Variants in EPHA6 observed in about 807,000 individuals in gnomAD.
The protein encoded by EPHA6 is EPH receptor A6, also known as ephrin type-A receptor 6.
In EPHA6, 50 loss-of-function variants were observed where a neutral mutation model predicts 112.0. That is an observed-to-expected ratio of 0.45 (90% confidence interval 0.36 to 0.56). The LOEUF is 0.56. EPHA6 is among the 20% of genes least tolerant of loss of function. The probability of loss-of-function intolerance (pLI) is 0.00; values close to 1 mark genes in which losing one functional copy is unlikely to be tolerated. For missense variants in EPHA6, 1,280 were observed against 1,417.4 expected, an observed-to-expected ratio of 0.90 and a Z score of 1.56; for synonymous variants, 529 against 490.7, an observed-to-expected ratio of 1.08 and a Z score of -1.03.
chr3:96,962,637 T>C (rs2041986102), intron 2 of EPHA6, among the ~76,000 whole-genome samples: 1 of 150,566 alleles, frequency 6.6e-6, no homozygotes, highest in South Asian at 2.1e-4. Flanking sequence ...CCTTTTAAGC[T>C]TAATTTTTTT....
At chr3:97,448,438 G>T (rs998233721) in intron 6 of EPHA6, 130 bp from the exon 7 acceptor site, 2 of 942,670 alleles carry the variant, frequency 2.1e-6, no homozygotes, top group Non-Finnish European at 1.6e-6. Context: ...GGAAAACCAT[G>T]CTAACACTAC....
At chr3:97,388,403 T>TGTACAAAG (rs1205417484) in intron 5 of EPHA6, among the ~76,000 whole-genome samples, 1 of 152,088 alleles carries the variant, frequency 6.6e-6, no homozygotes, top group Non-Finnish European at 1.5e-5. Context: ...TACTTCTATA[T>TGTACAAAG]GTACAAAGGT....
chr3:97,459,842 A>C (rs1208917258), intron 7 of EPHA6, among the ~76,000 whole-genome samples: 1 of 152,164 alleles, frequency 6.6e-6, no homozygotes, highest in African/African-American at 2.4e-5. Context: ...ATTCTAATAC[A>C]TGCTTGCTCT....
rs116456388 is a variant in EPHA6 at position 97,279,890 on chromosome 3, T to C, written c.1606+35603T>C. ...TTCTTTTTTCTTGTTGTTCGTTTGT[T>C]TTTGTTTTTTTTGAGACAGAGTCTT... On this transcript the variant is annotated intron_variant, in intron 5 of 17. Transcript: ENST00000389672. 6.3e-3 allele frequency among the ~76,000 whole-genome samples: 951 copies of C among 152,124 alleles called. 5 individuals carry two copies. The highest frequency in any genetic ancestry group is 0.021 in the African/African-American group (870 of 41,430).
At chr3:96,893,548 TGC>T (rs1372621547) in intron 2 of EPHA6, among the ~76,000 whole-genome samples, 11 of 152,330 alleles carry the variant, frequency 7.2e-5, no homozygotes, top group Non-Finnish European at 1.3e-4. Context: ...TGATGATTAT[TGC>T]ACACCAGTCA....
intron 1 of EPHA6, among the ~76,000 whole-genome samples, chr3:96,838,549 T>G (rs985672223): frequency 6.6e-6 from 1 of 152,128 alleles, no homozygotes; most frequent in Non-Finnish European, 1.5e-5. Flanking sequence ...CTCTATAACA[T>G]CAGCAGCATC....
rs532991905 is a variant in EPHA6, at chr3:97,544,835, G to A, written c.2386+12292G>A. On this transcript the variant is annotated intron_variant, in intron 11 of 17. Coordinates refer to ENST00000389672, the MANE Select transcript of EPHA6 (RefSeq NM_001080448.3). Reference sequence around the variant, plus strand: ...TTAGTCTTGGGAGGATGTATGTGTCGAGGAATTTATCCATTTCTTCTAGAT... The same window carrying A: ...TTAGTCTTGGGAGGATGTATGTGTCAAGGAATTTATCCATTTCTTCTAGAT... Among the ~76,000 whole-genome samples, 155 of 152,156 alleles carry A rather than the reference G, an allele frequency of 1.0e-3. 1 individual carries two copies. The East Asian group carries it at 0.025, about 25-fold the overall frequency.
chr3:97,100,816 T>C (rs534569333), intron 3 of EPHA6, among the ~76,000 whole-genome samples: 1 of 152,042 alleles, frequency 6.6e-6, no homozygotes, highest in Non-Finnish European at 1.5e-5. Context: ...TTTTTGACAT[T>C]ATTGTTGTAA....
chr3:97,007,170 G>A (rs2043911723), intron 3 of EPHA6, among the ~76,000 whole-genome samples: 1 of 152,090 alleles, frequency 6.6e-6, no homozygotes. Flanking sequence ...TTAATTTTCT[G>A]TCTTGTTCAT....
intron 6 of EPHA6, among the ~76,000 whole-genome samples, chr3:97,407,864 G>C (rs184741338): frequency 1.3e-5 from 2 of 151,780 alleles, no homozygotes; most frequent in Non-Finnish European, 2.9e-5. Context: ...GTCCAAACCC[G>C]CTTCTATTCA....
intron 11 of EPHA6, among the ~76,000 whole-genome samples, chr3:97,543,718 T>C (rs1336647950): frequency 6.6e-6 from 1 of 152,032 alleles, no homozygotes; most frequent in Non-Finnish European, 1.5e-5. Flanking sequence ...TGATTCTTCC[T>C]ACCCATGAGC....
At chr3:96,970,972 A>G (rs558804764) in intron 2 of EPHA6, among the ~76,000 whole-genome samples, 24 of 152,244 alleles carry the variant, frequency 1.6e-4, no homozygotes, top group Non-Finnish European at 3.4e-4. Context: ...CTATGTAACT[A>G]GCATAGTATT....
At chr3:97,590,965 T>C (rs6439268) in intron 11 of EPHA6, among the ~76,000 whole-genome samples, 43,148 of 152,072 alleles carry the variant, frequency 0.28, 9,670 homozygotes, top group African/African-American at 0.61. Flanking sequence ...CAATGATAGA[T>C]ATTCCATGCA....
chr3:97,108,698 T>C (rs559258320), intron 3 of EPHA6, among the ~76,000 whole-genome samples: 1 of 152,294 alleles, frequency 6.6e-6, no homozygotes, highest in South Asian at 2.1e-4. Context: ...ATCTCATTTT[T>C]AATAGCTTTA....
chr3:97,067,059 T>TC (rs1252721821), intron 3 of EPHA6, among the ~76,000 whole-genome samples: 1 of 152,122 alleles, frequency 6.6e-6, no homozygotes, highest in African/African-American at 2.4e-5. Flanking sequence ...AGAAGACTTT[T>TC]TTCTTCTTCT....
At position 97,592,711 on chromosome 3, in the gene EPHA6, G is replaced by T. The variant is rs1471269109; in HGVS notation, c.2486G>T (p.Gly829Val). 6.2e-7 allele frequency: 1 copy of T among 1,602,204 alleles called. No homozygotes were observed. The highest frequency in any genetic ancestry group is 1.1e-5 in the South Asian group (1 of 88,644). ...IQAPHPVPGG[G>V]SLPPRIPAGR... The stretch of plus-strand genomic sequence containing the variant: ...GCCCCGCATCCAGTGCCAGGGGGAG[G>T]ATCTTTGCCCCCCAGGATTCCTGCT... The change falls in exon 12 of 18, where the codon GGA (glycine) becomes GTA (valine). Residue 829 changes from glycine (G) to valine (V), a missense_variant. Physicochemically the swap from Gly to Val is moderately radical, Grantham distance 109. Coordinates refer to ENST00000389672, the MANE Select transcript of EPHA6 (RefSeq NM_001080448.3).
chr3:96,909,820 A>T (rs2039125107), intron 2 of EPHA6, among the ~76,000 whole-genome samples: 1 of 152,002 alleles, frequency 6.6e-6, no homozygotes, highest in South Asian at 2.1e-4. Context: ...GAAACTCTGG[A>T]CCAGAATTAT....
chr3:97,549,171 G>A (rs1314068729), intron 11 of EPHA6, among the ~76,000 whole-genome samples: 1 of 152,144 alleles, frequency 6.6e-6, no homozygotes, highest in Non-Finnish European at 1.5e-5. Context: ...ATTAAAAAAT[G>A]TTTACTATAA....
At chr3:96,896,956 A>G (rs1367607031) in intron 2 of EPHA6, among the ~76,000 whole-genome samples, 1 of 152,152 alleles carries the variant, frequency 6.6e-6, no homozygotes, top group Non-Finnish European at 1.5e-5. Context: ...AAATATTATT[A>G]TAGTATTTCA....
Sources: gnomAD v4.1 joint callset for allele counts (sites outside exome capture counted in the v4.1 genomes callset) on GRCh38, gnomAD v4.1.1 for gene constraint, MANE v1.5 for transcripts, NCBI Gene and HGNC (gene_info 2026-07-23, HGNC 2026-07-21) for gene names.